The following AKAP13 variants were observed in gnomAD, a reference collection of about 807,000 sequenced individuals.
The protein encoded by AKAP13 is A-kinase anchoring protein 13, also known as A-kinase anchor protein 13.
In AKAP13, 80 loss-of-function variants were observed where a neutral mutation model predicts 264.5. The observed-to-expected ratio is 0.30, with a 90% CI of 0.25 to 0.36. The LOEUF (loss-of-function observed/expected upper bound fraction) is 0.36. Ranked by LOEUF, AKAP13 falls within the 10% of genes least tolerant of loss-of-function variation. AKAP13 has a pLI of 1.00. For synonymous variants in AKAP13, 1,380 were observed against 1,250.2 expected, an observed-to-expected ratio of 1.10 and a Z score of -2.19; for missense variants, 3,712 against 3,435.2, an observed-to-expected ratio of 1.08 and a Z score of -2.01.
intron 8 of AKAP13, among the ~76,000 whole-genome samples, chr15:85,617,249 GT>G (rs59235720): frequency 0.25 from 37,242 of 151,846 alleles, 6,178 homozygotes; most frequent in East Asian, 0.57. Context: ...TGTTGTTTTT[GT>G]TTTTTGTTTT....
intron 12 of AKAP13, among the ~76,000 whole-genome samples, chr15:85,663,120 A>T (rs1234724019): frequency 6.6e-6 from 1 of 152,104 alleles, no homozygotes; most frequent in Non-Finnish European, 1.5e-5. Context: ...GACCAGCCTG[A>T]AAAACGTGGT....
intron 17 of AKAP13, among the ~76,000 whole-genome samples, chr15:85,706,553 T>G (rs1324579384): frequency 6.6e-6 from 1 of 152,222 alleles, no homozygotes; most frequent in Non-Finnish European, 1.5e-5. Flanking sequence ...AGCCAGGACC[T>G]ACGTCAAATT....
At chr15:85,525,152 G>C (rs2076986816) in intron 3 of AKAP13, among the ~76,000 whole-genome samples, 1 of 146,504 alleles carries the variant, frequency 6.8e-6, no homozygotes, top group East Asian at 2.0e-4. Flanking sequence ...TCCGCCTCTT[G>C]GGTTCACGCC....
At chr15:85,573,805 T>C (rs1567132947) in intron 5 of AKAP13, among the ~76,000 whole-genome samples, 2 of 152,094 alleles carry the variant, frequency 1.3e-5, no homozygotes, top group Non-Finnish European at 2.9e-5. Flanking sequence ...AAAGTAGATA[T>C]GTTTTTCTAC....
intron 14 of AKAP13, among the ~76,000 whole-genome samples, chr15:85,675,888 A>G (rs1028099563): frequency 3.3e-5 from 5 of 151,810 alleles, no homozygotes; most frequent in Non-Finnish European, 7.4e-5. Flanking sequence ...GTGAGAATGT[A>G]TTGGGAGGAG....
At chr15:85,411,106 G>C (rs2071942016) in intron 1 of AKAP13, among the ~76,000 whole-genome samples, 1 of 152,138 alleles carries the variant, frequency 6.6e-6, no homozygotes, top group African/African-American at 2.4e-5. Flanking sequence ...CCTTTTTATA[G>C]TGTGCAGACA....
Position 85,521,412 on chromosome 15 carries a change from T to C in AKAP13, c.34-16T>C. 6.2e-7 allele frequency: 1 copy of C among 1,613,182 alleles called. No individual in the cohort carries two copies. The highest frequency in any genetic ancestry group is 8.5e-7 in the Non-Finnish European group (1 of 1,179,470). ...ACCTTACTAATGTAAACTTGCTATA[T>C]TGTTTCCTTTCCTAGGGTGATTGTG... On this transcript the variant is annotated splice_polypyrimidine_tract_variant and intron_variant, in intron 2 of 36. Transcript: ENST00000394518.
chr15:85,682,197 C>T lies in AKAP13; in HGVS notation c.5141C>T (p.Ala1714Val), dbSNP rs958686343. 1 of 1,613,264 alleles carries T rather than the reference C, an allele frequency of 6.2e-7. No homozygotes were observed. Among genetic ancestry groups the T allele is most frequent in the Non-Finnish European group, 8.5e-7 (1 of 1,179,896 alleles). ...CACAGTACCTTCCACAATACCAGTG[C>T]TAATCTGACTGAGAGGTACTATAAA... ...PFHSTFHNTS[A>V]NLTESITEEN... Residue 1714 changes from alanine to valine, a missense_variant, in exon 15 of 37, where the codon GCT becomes GTT. This residue lies in a region of AKAP13 where 2,759 missense variants were observed against 2,411.7 expected (regional missense o/e 1.14). Transcript: ENST00000394518.
At chr15:85,496,207 A>G (rs1438917207) in intron 2 of AKAP13, among the ~76,000 whole-genome samples, 1 of 152,102 alleles carries the variant, frequency 6.6e-6, no homozygotes, top group African/African-American at 2.4e-5. Context: ...TTTTCCCTCA[A>G]AAGCCCATTT....
intron 1 of AKAP13, among the ~76,000 whole-genome samples, chr15:85,413,032 T>C (rs1389205720): frequency 2.0e-5 from 3 of 152,312 alleles, no homozygotes; most frequent in South Asian, 2.1e-4. Flanking sequence ...TAGTTTAAGT[T>C]GAAATTGAAA....
At chr15:85,435,264 G>GA (rs2073224880) in intron 1 of AKAP13, among the ~76,000 whole-genome samples, 1 of 148,178 alleles carries the variant, frequency 6.7e-6, no homozygotes. Flanking sequence ...GAAGTTTAGA[G>GA]AAAAAAGAAT....
intron 2 of AKAP13, among the ~76,000 whole-genome samples, chr15:85,519,750 G>A (rs915517112): frequency 3.3e-5 from 5 of 152,134 alleles, no homozygotes; most frequent in African/African-American, 1.2e-4. Flanking sequence ...TGGACCCACT[G>A]GAGCATTGTT....
intron 17 of AKAP13, among the ~76,000 whole-genome samples, chr15:85,700,083 CT>C (rs1472717072): frequency 6.6e-6 from 1 of 152,112 alleles, no homozygotes; most frequent in Non-Finnish European, 1.5e-5. Flanking sequence ...TATATTTAGC[CT>C]TGTATTGCCA....
At chr15:85,725,382 G>A (rs760645235) in intron 26 of AKAP13, among the ~76,000 whole-genome samples, 68 of 151,786 alleles carry the variant, frequency 4.5e-4, no homozygotes, top group Admixed American at 9.9e-4. Flanking sequence ...CTGCTTTTTT[G>A]GGGGGAGGGG....
At chr15:85,490,288 C>G (rs1204312815) in intron 2 of AKAP13, among the ~76,000 whole-genome samples, 1 of 152,264 alleles carries the variant, frequency 6.6e-6, no homozygotes, top group African/African-American at 2.4e-5. Context: ...TGATTGAGAA[C>G]TTGAGTGTGA....
chr15:85,680,954 A>T (rs1171066636), intron 14 of AKAP13, among the ~76,000 whole-genome samples: 1 of 152,116 alleles, frequency 6.6e-6, no homozygotes, highest in Admixed American at 6.5e-5. Flanking sequence ...AGTAGCTGGG[A>T]CTACAGGCAT....
chr15:85,579,013 C>A lies in AKAP13; in HGVS notation c.945C>A (p.Gly315=). ...CTTCCAGTGCCCCAGAGACAGATGG[C>A]CAGTTTCTTCCCTGTGCACCGGAGC... ...QDPSSAPETD[G]QFLPCAPEPT... Residue 315 remains glycine, a synonymous_variant, in exon 7 of 37, where the codon GGC becomes GGA. Coordinates refer to ENST00000394518, the MANE Select transcript of AKAP13 (RefSeq NM_007200.5). The A allele has an allele frequency of 6.2e-7, 1 of 1,614,082 alleles. No homozygotes were observed. The highest frequency in any genetic ancestry group is 8.5e-7 in the Non-Finnish European group (1 of 1,180,022).
intron 8 of AKAP13, among the ~76,000 whole-genome samples, chr15:85,632,070 C>G (rs1017538802): frequency 1.3e-5 from 2 of 152,070 alleles, no homozygotes; most frequent in Admixed American, 6.6e-5. Context: ...ATAATATATA[C>G]TAATTGTTAA....
At chr15:85,667,818 ATAT>A (rs1197956457) in intron 13 of AKAP13, among the ~76,000 whole-genome samples, 2 of 152,200 alleles carry the variant, frequency 1.3e-5, no homozygotes, top group Non-Finnish European at 2.9e-5. Flanking sequence ...AATTTTCTTA[ATAT>A]TATTTATGTG....
Sources: allele counts gnomAD v4.1 joint callset (sites outside exome capture counted in the v4.1 genomes callset), GRCh38; gene constraint gnomAD v4.1.1; regional missense constraint gnomAD v4.1.1; transcripts MANE v1.5; gene names NCBI Gene and HGNC (gene_info 2026-07-23, HGNC 2026-07-21).